Variants in KNL1 observed in about 807,000 individuals in gnomAD.
KNL1 encodes outer kinetochore KNL1 complex subunit KNL1.
KNL1 carries 66 observed loss-of-function variants against 201.3 expected under a neutral mutation model. That is an observed-to-expected ratio of 0.33 (90% CI 0.27 to 0.40). The LOEUF (loss-of-function observed/expected upper bound fraction) is 0.40. Ranked by LOEUF, KNL1 falls within the 10% of genes least tolerant of loss-of-function variation. The probability of loss-of-function intolerance (pLI) is 1.00; values close to 1 mark genes in which losing one functional copy is unlikely to be tolerated. For missense variants in KNL1, 2,815 were observed against 2,690.5 expected (o/e 1.05, Z -1.02); for synonymous variants, 895 against 899.2 (o/e 1.00, Z 0.08).
intron 9 of KNL1, among the ~76,000 whole-genome samples, chr15:40,620,122 T>TA (rs1186533943): frequency 6.6e-6 from 1 of 152,146 alleles, no homozygotes; most frequent in Non-Finnish European, 1.5e-5. Context: ...GACAGGATCT[T>TA]ACTTTGTTAC....
intron 3 of KNL1, among the ~76,000 whole-genome samples, chr15:40,605,756 G>A (rs987248189): frequency 6.6e-6 from 1 of 152,158 alleles, no homozygotes; most frequent in African/African-American, 2.4e-5. Context: ...AGCCCAAACT[G>A]CTTTAAGCAC....
chr15:40,627,174 C>T (rs1483877110), intron 10 of KNL1, among the ~76,000 whole-genome samples: 5 of 152,314 alleles, frequency 3.3e-5, no homozygotes, highest in East Asian at 1.9e-4. Context: ...GGGTTACAGG[C>T]GTGAGCCACA....
At position 40,614,872 on chromosome 15, in the gene KNL1, A is replaced by G. The variant is rs376386633; in HGVS notation, c.285-469A>G. The stretch of plus-strand genomic sequence containing the variant: ...TTATAGGTCATTTTTTGAAAAAATA[A>G]GCAAGCAGTATATATTAAGCATATT... On this transcript the variant is annotated intron_variant, in intron 7 of 25. Coordinates refer to ENST00000399668, the MANE Select transcript of KNL1 (RefSeq NM_144508.5). 7.2e-5 allele frequency among the ~76,000 whole-genome samples: 11 copies of G among 152,276 alleles called. 1 individual carries two copies. The East Asian group carries it at 1.2e-3, about 16-fold the overall frequency.
intron 17 of KNL1, among the ~76,000 whole-genome samples, chr15:40,649,586 C>T (rs567560639): frequency 1.3e-5 from 2 of 149,672 alleles, no homozygotes; most frequent in African/African-American, 2.5e-5. Context: ...TCAGCCACTA[C>T]GCCTGCCTTT....
chr15:40,609,699 A>G (rs1023710762), intron 5 of KNL1, among the ~76,000 whole-genome samples: 26 of 152,310 alleles, frequency 1.7e-4, no homozygotes, highest in African/African-American at 6.0e-4. Flanking sequence ...CTAGTATGAT[A>G]CCAGGTATAT....
At chr15:40,614,924 G>T (rs1009150885) in intron 7 of KNL1, among the ~76,000 whole-genome samples, 2 of 152,048 alleles carry the variant, frequency 1.3e-5, no homozygotes, top group Non-Finnish European at 2.9e-5. Flanking sequence ...TTGAGATGGG[G>T]TCTCACTCTG....
At chr15:40,629,692 A>G (rs754613798) in intron 13 of KNL1, among the ~76,000 whole-genome samples, 16 of 151,594 alleles carry the variant, frequency 1.1e-4, no homozygotes, top group Non-Finnish European at 1.5e-4. Flanking sequence ...TTGTAGAGAC[A>G]GGGTTTCACC....
chr15:40,647,645 TG>T (rs1893434243), intron 17 of KNL1, among the ~76,000 whole-genome samples: 1 of 152,218 alleles, frequency 6.6e-6, no homozygotes, highest in Non-Finnish European at 1.5e-5. Context: ...CCTTTCAGTT[TG>T]GTCTTTCATA....
At chr15:40,640,491 A>G (rs1250150585) in intron 13 of KNL1, among the ~76,000 whole-genome samples, 1 of 152,156 alleles carries the variant, frequency 6.6e-6, no homozygotes, top group Non-Finnish European at 1.5e-5. Context: ...GCCTTATTTT[A>G]TAATTGGAGG....
intron 1 of KNL1, among the ~76,000 whole-genome samples, chr15:40,595,232 C>T (rs1376224894): frequency 6.6e-6 from 1 of 152,124 alleles, no homozygotes; most frequent in Non-Finnish European, 1.5e-5. Context: ...AGATGATTCC[C>T]AAACCTAGAG....
chr15:40,645,095 T>A lies in KNL1; in HGVS notation c.5889+8T>A. On this transcript the variant is annotated splice_region_variant and intron_variant, in intron 15 of 25. Coordinates refer to ENST00000399668, the MANE Select transcript of KNL1 (RefSeq NM_144508.5). The stretch of plus-strand genomic sequence containing the variant: ...CACTGCTCTGACAAAGAGGTACTTT[T>A]GTCTCATTTTCTGAATGAGAATCAG... The A allele has an allele frequency of 1.3e-6, 2 of 1,580,412 alleles. No individual in the cohort carries two copies. The highest frequency in any genetic ancestry group is 1.7e-6 in the Non-Finnish European group (2 of 1,152,674).
At chr15:40,656,894 AAAAAG>A in intron 22 of KNL1, 143 bp from the exon 23 acceptor site, 1 of 434,782 alleles carries the variant, frequency 2.3e-6, no homozygotes, top group Non-Finnish European at 4.1e-6. Flanking sequence ...CTCCAGAAAA[AAAAAG>A]AAAAAGAAAA....
rs367749818 is a variant in KNL1, at chr15:40,648,943, C to T, written c.6095-1358C>T. On this transcript the variant is annotated intron_variant, in intron 17 of 25. Coordinates refer to ENST00000399668, the MANE Select transcript of KNL1 (RefSeq NM_144508.5). ...CTCCCAGATTCAAGCGATTTTCCTG[C>T]CTGAGCTTCCCGAGTAGCTGGGATT... is the stretch of plus-strand genomic sequence containing the variant. Among the ~76,000 whole-genome samples, 21 of 151,486 alleles carry T rather than the reference C, an allele frequency of 1.4e-4. 1 individual carries two copies. In the South Asian group the frequency reaches 3.6e-3, roughly 26 times the overall value.
At chr15:40,643,707 T>C (rs908081139) in intron 14 of KNL1, among the ~76,000 whole-genome samples, 1 of 152,170 alleles carries the variant, frequency 6.6e-6, no homozygotes, top group Non-Finnish European at 1.5e-5. Flanking sequence ...TGACAGACCT[T>C]AGGATTCTTT....
chr15:40,622,602 C>A lies in KNL1; in HGVS notation c.2338C>A (p.Gln780Lys). ...CATTGGATTTGGTCCTTCTGAACTA[C>A]AAGAACTTGGTAAAACTAATTTAGA... ...VVIGFGPSEL[Q>K]ELGKTNLEHT... Residue 780 changes from glutamine to lysine, a missense_variant, in exon 10 of 26, where the codon CAA becomes AAA. Gln to Lys is a moderately conservative substitution (Grantham distance 53, BLOSUM62 1). Transcript: ENST00000399668. 1 of 1,607,140 alleles carries A rather than the reference C, an allele frequency of 6.2e-7. No individual in the cohort carries two copies. Among genetic ancestry groups the A allele is most frequent in the Non-Finnish European group, 8.5e-7 (1 of 1,177,190 alleles).
intron 16 of KNL1, among the ~76,000 whole-genome samples, chr15:40,646,073 A>G (rs1211346267): frequency 6.6e-6 from 1 of 152,254 alleles, no homozygotes; most frequent in African/African-American, 2.4e-5. Flanking sequence ...CCATAGTATT[A>G]TCTTCTTCAT....
chr15:40,623,162 A>G lies in KNL1; in HGVS notation c.2898A>G (p.Glu966=). ...ATACTGTTTTCATTGACTACCAAGA[A>G]AAGGAAAGAACAGACAGACCTAACT... ...ESHTVFIDYQ[E]KERTDRPNFE... is the part of the protein sequence containing the mutation. The change falls in exon 10 of 26, where the codon GAA becomes GAG. Residue 966 remains glutamate, a synonymous_variant. Transcript: ENST00000399668. 1.9e-6 allele frequency: 3 copies of G among 1,613,970 alleles called. No homozygotes were observed. The highest frequency in any genetic ancestry group is 2.5e-6 in the Non-Finnish European group (3 of 1,179,898).
intron 10 of KNL1, 110 bp from the exon 11 acceptor site, chr15:40,627,960 A>G: frequency 2.8e-6 from 2 of 710,314 alleles, no homozygotes; most frequent in South Asian, 3.2e-5. Context: ...AAGATATTTC[A>G]TATGAATTAT....
At chr15:40,632,388 T>G (rs915004394) in intron 13 of KNL1, among the ~76,000 whole-genome samples, 1 of 152,022 alleles carries the variant, frequency 6.6e-6, no homozygotes, top group African/African-American at 2.4e-5. Context: ...GCAGGAGGAT[T>G]GCTTGACCCT....
Sources: allele counts gnomAD v4.1 joint callset (sites outside exome capture counted in the v4.1 genomes callset), GRCh38; gene constraint gnomAD v4.1.1; transcripts MANE v1.5; gene names NCBI Gene and HGNC (gene_info 2026-07-23, HGNC 2026-07-21).